Variants in MYOM2 observed in about 807,000 individuals in gnomAD.
MYOM2 encodes the protein myomesin 2.
In MYOM2, 254 loss-of-function variants were observed where a neutral mutation model predicts 187.6. The observed-to-expected ratio is 1.35, with a 90% CI of 1.22 to 1.50. The LOEUF (loss-of-function observed/expected upper bound fraction) is 1.50. Ranked by LOEUF, MYOM2 falls within the 40% of genes most tolerant of loss-of-function variation. The pLI is 0.00. For missense variants in MYOM2, 2,796 were observed against 1,924.0 expected (o/e 1.45, Z -8.48); for synonymous variants, 981 against 753.8 (o/e 1.30, Z -4.94).
chr8:2,052,367 A>G (rs1347258045), intron 3 of MYOM2, 54 bp downstream of exon 3: 24 of 1,536,030 alleles, frequency 1.6e-5, no homozygotes, highest in Non-Finnish European at 2.1e-5. Flanking sequence ...GTCACAGTGG[A>G]GGGACAGTGG....
At chr8:2,092,609 TG>T in intron 16 of MYOM2, 89 bp downstream of exon 16, 2 of 1,378,948 alleles carry the variant, frequency 1.5e-6, no homozygotes, top group Non-Finnish European at 2.0e-6. Context: ...GGGAGTACCA[TG>T]GCCGCAAGGC....
rs1796648799 is a variant in MYOM2 at position 2,100,129 on chromosome 8, T to TTCCTTCC, written c.2441-746_2441-745insCCTTCCT. 1.6e-3 allele frequency among the ~76,000 whole-genome samples: 71 copies of TTCCTTCC among 45,580 alleles called. 2 individuals carry two copies. Among genetic ancestry groups the TTCCTTCC allele is most frequent in the African/African-American group, 5.5e-3 (68 of 12,306 alleles). The allele number at this position is 45,580 out of a possible 152,430, so 29.9% of individuals were successfully genotyped here. On this transcript the variant is annotated intron_variant, in intron 19 of 36. Coordinates refer to ENST00000262113, the MANE Select transcript of MYOM2 (RefSeq NM_003970.4). ...CCTTCTTTCTTTCCTTCCTTCCTTC[T>TTCCTTCC]TTCCTTCCTTCCTTCCTTCCTTCCT...
rs770772867 is a variant in MYOM2, at chr8:2,053,617, A to G, written c.263+1304A>G. On this transcript the variant is annotated intron_variant, in intron 3 of 36. Transcript: ENST00000262113. ...TTCAAGACAGCCTTGGCTGCTGGAA[A>G]TTGTCCTAAAACACATTGGTCTATG... Among the ~76,000 whole-genome samples the G allele has an allele frequency of 1.7e-4, 26 of 152,344 alleles. No homozygotes were observed. The South Asian group carries it at 3.7e-3, about 22-fold the overall frequency.
At position 2,116,197 on chromosome 8, in the gene MYOM2, T is replaced by C; in HGVS notation, c.3326-19T>C. 1.3e-6 allele frequency: 2 copies of C among 1,597,160 alleles called. No homozygotes were observed. The highest frequency in any genetic ancestry group is 1.7e-6 in the Non-Finnish European group (2 of 1,173,110). On this transcript the variant is annotated intron_variant, in intron 26 of 36. Coordinates refer to ENST00000262113, the MANE Select transcript of MYOM2 (RefSeq NM_003970.4). ...AAGCAAACATGTTTCATATATATTT[T>C]TTTAAATATTGAATTTAGCATTCAA...
chr8:2,097,895 G>C (rs969952243), intron 18 of MYOM2: 1 of 152,238 alleles, frequency 6.6e-6, no homozygotes, highest in African/African-American at 2.4e-5. Flanking sequence ...CGCTGTGCAG[G>C]AAGCACGAGA....
At chr8:2,064,348 C>T (rs888400021) in intron 6 of MYOM2, among the ~76,000 whole-genome samples, 6 of 152,198 alleles carry the variant, frequency 3.9e-5, no homozygotes, top group Admixed American at 2.6e-4. Flanking sequence ...GGTGAGACAG[C>T]GGGAACCATA....
At chr8:2,052,887 T>A in intron 3 of MYOM2, among the ~76,000 whole-genome samples, 1 of 152,200 alleles carries the variant, frequency 6.6e-6, no homozygotes. Context: ...TTGTCATGCT[T>A]TACATTTCAA....
chr8:2,086,523 CACA>C (rs1796079825), intron 14 of MYOM2, among the ~76,000 whole-genome samples: 1 of 145,772 alleles, frequency 6.9e-6, no homozygotes, highest in South Asian at 2.1e-4. Flanking sequence ...TGCGTGGCCC[CACA>C]CTGTCGTGTT....
rs756907355 is a variant in MYOM2, at chr8:2,078,892, C to A, written c.1421C>A (p.Ala474Glu). 8 of 1,613,872 alleles carry A rather than the reference C, an allele frequency of 5.0e-6. No individual in the cohort carries two copies. The Admixed American group carries it at 6.7e-5, about 13-fold the overall frequency. ...GISRPSRVSD[A>E]VAALDPLDLR... ...AGCCGACCCTCCAGGGTCTCTGATG[C>A]GGTGGCTGCACTTGACCCCTTGGAC... is the stretch of plus-strand genomic sequence containing the variant. Residue 474 changes from alanine (A) to glutamate (E), a missense_variant, in exon 12 of 37, where the codon GCG becomes GAG. By Grantham distance (107) the Ala-to-Glu change is moderately radical. Transcript: ENST00000262113.
intron 19 of MYOM2, among the ~76,000 whole-genome samples, chr8:2,100,077 C>G (rs1193469956): frequency 1.1e-5 from 1 of 92,048 alleles, no homozygotes; most frequent in African/African-American, 4.4e-5. Flanking sequence ...TCTTTCCTTC[C>G]TTTCTTCTTT....
At chr8:2,142,887 C>T (rs1329912296) in intron 35 of MYOM2, among the ~76,000 whole-genome samples, 1 of 151,798 alleles carries the variant, frequency 6.6e-6, no homozygotes. Flanking sequence ...TCCCGAGTAG[C>T]TGGGATTACA....
In MYOM2 at chr8:2,072,437, A is replaced by C. The variant is rs1474225671; in HGVS notation, c.886A>C (p.Thr296Pro). ...VTFRREGETV[T>P]LKCTMLVTPD... ...CTTCAGGAGGGAAGGCGAGACGGTC[A>C]CTCTCAAGTGCACCATGCTGGTGAC... The change falls in exon 9 of 37, where the codon ACT becomes CCT. Residue 296 changes from threonine (T) to proline (P), a missense_variant. Physicochemically the swap from Thr to Pro is conservative, Grantham distance 38. Coordinates refer to ENST00000262113, the MANE Select transcript of MYOM2 (RefSeq NM_003970.4). 6.2e-7 allele frequency: 1 copy of C among 1,613,884 alleles called. No individual in the cohort carries two copies. Among genetic ancestry groups the C allele is most frequent in the African/African-American group, 1.3e-5 (1 of 74,878 alleles).
intron 9 of MYOM2, 149 bp downstream of exon 9, chr8:2,072,658 G>A: frequency 1.9e-6 from 2 of 1,031,948 alleles, no homozygotes; most frequent in Middle Eastern, 3.3e-4. Context: ...AGAGGACTTG[G>A]TGGCCCACCG....
intron 28 of MYOM2, 116 bp downstream of exon 28, chr8:2,118,068 G>T: frequency 2.4e-6 from 2 of 840,662 alleles, no homozygotes; most frequent in Non-Finnish European, 3.8e-6. Flanking sequence ...AACGTGTGGT[G>T]CCTGTGTAGC....
intron 2 of MYOM2, among the ~76,000 whole-genome samples, chr8:2,051,285 G>C (rs1818476662): frequency 1.3e-5 from 2 of 152,202 alleles, no homozygotes; most frequent in South Asian, 4.1e-4. Flanking sequence ...GGCAATATTA[G>C]TGATTTGGCT....
chr8:2,073,248 C>A, intron 9 of MYOM2, 91 bp from the exon 10 acceptor site: 1 of 1,425,032 alleles, frequency 7.0e-7, no homozygotes, highest in Non-Finnish European at 9.6e-7. Context: ...ACTGTCCTGT[C>A]CCGCTCTGAG....
intron 14 of MYOM2, among the ~76,000 whole-genome samples, chr8:2,087,319 C>G (rs1348206480): frequency 1.3e-5 from 2 of 152,204 alleles, no homozygotes; most frequent in Non-Finnish European, 2.9e-5. Flanking sequence ...CTCAATGCAG[C>G]ATGGCGGAAA....
intron 32 of MYOM2, among the ~76,000 whole-genome samples, chr8:2,138,136 G>C (rs557764759): frequency 6.6e-6 from 1 of 152,220 alleles, no homozygotes; most frequent in Non-Finnish European, 1.5e-5. Flanking sequence ...CAGGACGGCT[G>C]GTGTGGCCAC....
chr8:2,075,245 A>G (rs1432692397), intron 10 of MYOM2, among the ~76,000 whole-genome samples: 2 of 152,138 alleles, frequency 1.3e-5, no homozygotes, highest in Admixed American at 6.6e-5. Flanking sequence ...GGCGGGCGTT[A>G]AATGTCCCTT....
Sources: allele counts gnomAD v4.1 joint callset (sites outside exome capture counted in the v4.1 genomes callset), GRCh38; gene constraint gnomAD v4.1.1; transcripts MANE v1.5; gene names NCBI Gene and HGNC (gene_info 2026-07-23, HGNC 2026-07-21).